PRKAR2B: variants seen among roughly 807,000 people sequenced by gnomAD.
The protein encoded by PRKAR2B is cAMP-dependent protein kinase type II-beta regulatory subunit.
Under a neutral mutation model 49.9 loss-of-function variants are expected in PRKAR2B, and 14 were observed. The observed-to-expected ratio is 0.28, with a 90% confidence interval of 0.19 to 0.44. The LOEUF (loss-of-function observed/expected upper bound fraction) is 0.44. PRKAR2B is among the 20% of genes least tolerant of loss of function. PRKAR2B has a pLI of 1.00. For synonymous variants in PRKAR2B, 196 were observed against 197.7 expected, an observed-to-expected ratio of 0.99 and a Z score of 0.07; for missense variants, 393 against 537.9, an observed-to-expected ratio of 0.73 and a Z score of 2.67.
At chr7:107,070,973 T>C (rs1300129532) in intron 2 of PRKAR2B, among the ~76,000 whole-genome samples, 1 of 152,228 alleles carries the variant, frequency 6.6e-6, no homozygotes, top group Non-Finnish European at 1.5e-5. Flanking sequence ...ATATACTGTG[T>C]ACTATTTAAA....
At chr7:107,067,938 T>G (rs1794186546) in intron 1 of PRKAR2B, among the ~76,000 whole-genome samples, 1 of 152,220 alleles carries the variant, frequency 6.6e-6, no homozygotes, top group African/African-American at 2.4e-5. Flanking sequence ...AATGGACTTT[T>G]TTTTGCCAAT....
chr7:107,078,468 G>C (rs757428511), intron 2 of PRKAR2B, among the ~76,000 whole-genome samples: 1 of 152,148 alleles, frequency 6.6e-6, no homozygotes, highest in Non-Finnish European at 1.5e-5. Flanking sequence ...GTCCAGGCTT[G>C]TTCCTTGGGT....
intron 5 of PRKAR2B, among the ~76,000 whole-genome samples, chr7:107,142,993 C>T (rs750288820): frequency 1.3e-5 from 2 of 152,184 alleles, no homozygotes; most frequent in Non-Finnish European, 2.9e-5. Flanking sequence ...GAACTCCTGC[C>T]TTCAGGTAAT....
intron 2 of PRKAR2B, among the ~76,000 whole-genome samples, chr7:107,086,147 C>T (rs1430745081): frequency 6.6e-6 from 1 of 151,974 alleles, no homozygotes; most frequent in East Asian, 1.9e-4. Flanking sequence ...TATTGTTGAC[C>T]GTTTATATTT....
chr7:107,066,043 C>T (rs138753100), intron 1 of PRKAR2B, among the ~76,000 whole-genome samples: 1 of 152,274 alleles, frequency 6.6e-6, no homozygotes, highest in Admixed American at 6.5e-5. Context: ...GAAGATATCT[C>T]TGGTTATACA....
At chr7:107,131,180 C>T (rs1795599223) in intron 4 of PRKAR2B, among the ~76,000 whole-genome samples, 1 of 152,150 alleles carries the variant, frequency 6.6e-6, no homozygotes, top group South Asian at 2.1e-4. Context: ...TTCAATGAAC[C>T]AGTATTTTAA....
At chr7:107,045,741 T>A (rs1793675476) in intron 1 of PRKAR2B, among the ~76,000 whole-genome samples, 1 of 152,176 alleles carries the variant, frequency 6.6e-6, no homozygotes, top group Admixed American at 6.5e-5. Flanking sequence ...AGAACAAAAT[T>A]TATGGCCAGT....
At chr7:107,151,996 T>C (rs1422703069) in intron 7 of PRKAR2B, among the ~76,000 whole-genome samples, 1 of 152,214 alleles carries the variant, frequency 6.6e-6, no homozygotes, top group African/African-American at 2.4e-5. Context: ...CAACTGCAAA[T>C]GTAAGATTTC....
intron 2 of PRKAR2B, among the ~76,000 whole-genome samples, chr7:107,119,520 AAGTT>A (rs1481842498): frequency 6.6e-6 from 1 of 152,200 alleles, no homozygotes; most frequent in African/African-American, 2.4e-5. Flanking sequence ...TGGGGACAGA[AAGTT>A]AGAGAGCCAA....
At chr7:107,092,622 TAAGAG>T (rs1424227733) in intron 2 of PRKAR2B, among the ~76,000 whole-genome samples, 1 of 152,170 alleles carries the variant, frequency 6.6e-6, no homozygotes, top group East Asian at 1.9e-4. Flanking sequence ...TTAAGGAAAT[TAAGAG>T]AAGAGCAAAA....
intron 2 of PRKAR2B, among the ~76,000 whole-genome samples, chr7:107,099,242 G>A (rs562750408): frequency 1.3e-5 from 2 of 152,190 alleles, no homozygotes; most frequent in Non-Finnish European, 2.9e-5. Context: ...TAGCCTCGCT[G>A]CCGCCTTGCA....
At chr7:107,083,910 C>T (rs985228259) in intron 2 of PRKAR2B, among the ~76,000 whole-genome samples, 10 of 152,174 alleles carry the variant, frequency 6.6e-5, no homozygotes, top group African/African-American at 2.4e-4. Context: ...CACGTCTGGC[C>T]AAACCTAGTT....
intron 5 of PRKAR2B, among the ~76,000 whole-genome samples, chr7:107,145,276 T>C (rs541000312): frequency 1.3e-5 from 2 of 152,344 alleles, no homozygotes; most frequent in Admixed American, 6.5e-5. Context: ...AGTGTTTATA[T>C]TGCAGTGAAA....
chr7:107,064,731 A>G (rs1794099546), intron 1 of PRKAR2B, among the ~76,000 whole-genome samples: 1 of 152,194 alleles, frequency 6.6e-6, no homozygotes, highest in Non-Finnish European at 1.5e-5. Context: ...ATAGTATTTC[A>G]AGGGCTTACA....
intron 6 of PRKAR2B, among the ~76,000 whole-genome samples, chr7:107,150,378 A>G (rs1332003881): frequency 6.6e-6 from 1 of 152,092 alleles, no homozygotes; most frequent in Non-Finnish European, 1.5e-5. Context: ...TTTTTTTATG[A>G]GTACATATTA....
rs1213336029 is a variant in PRKAR2B, at chr7:107,079,569, G to T, written c.343+9253G>T. 2.6e-5 allele frequency: 4 copies of T among 152,292 alleles called. No homozygotes were observed. In the East Asian group the frequency reaches 7.7e-4, roughly 29 times the overall value. 9.4% of individuals were successfully genotyped at this position (152,292 alleles called of 1,614,324 possible). A position where few individuals can be genotyped will look rare whatever the true frequency, so the allele number is the denominator to read the frequency against. On this transcript the variant is annotated intron_variant, in intron 2 of 10. Coordinates refer to ENST00000265717, the MANE Select transcript of PRKAR2B (RefSeq NM_002736.3). ...GTGGCAGCCCTGCTTCAGGCCCGTG[G>T]CGTGCCTGCGTTCTGCCTCCATGTA...
chr7:107,145,542 G>A (rs1017183550), intron 5 of PRKAR2B, among the ~76,000 whole-genome samples: 1 of 152,032 alleles, frequency 6.6e-6, no homozygotes, highest in African/African-American at 2.4e-5. Context: ...ACTACAGTCA[G>A]TGATTTGATA....
At chr7:107,091,234 T>A (rs1428790903) in intron 2 of PRKAR2B, among the ~76,000 whole-genome samples, 1 of 152,140 alleles carries the variant, frequency 6.6e-6, no homozygotes, top group African/African-American at 2.4e-5. Context: ...AAGAGATAGT[T>A]TTATATGTGG....
intron 1 of PRKAR2B, among the ~76,000 whole-genome samples, chr7:107,063,783 A>T (rs1052688161): frequency 6.6e-6 from 1 of 152,034 alleles, no homozygotes; most frequent in Non-Finnish European, 1.5e-5. Flanking sequence ...GCCTTTTCCC[A>T]TTTGTTTCTC....
Sources: allele counts gnomAD v4.1 joint callset (sites outside exome capture counted in the v4.1 genomes callset), GRCh38; gene constraint gnomAD v4.1.1; transcripts MANE v1.5; gene names NCBI Gene and HGNC (gene_info 2026-07-23, HGNC 2026-07-21).